Variants in RAVER2 observed in about 807,000 individuals in gnomAD.
RAVER2 encodes the protein ribonucleoprotein PTB-binding 2.
Under a neutral mutation model 78.1 loss-of-function variants are expected in RAVER2, and 46 were observed. The ratio of observed to expected loss-of-function variants is 0.59; its 90% CI spans 0.46 to 0.75. The LOEUF is 0.75. Among genes scored for constraint, RAVER2 ranks in the 30% least tolerant of loss-of-function variants. The pLI, the probability that RAVER2 is intolerant of heterozygous loss-of-function variation, is 0.00. For missense variants in RAVER2, 793 were observed against 837.5 expected (o/e 0.95, Z 0.66); for synonymous variants, 311 against 313.3 (o/e 0.99, Z 0.08).
chr1:64,794,329 C>T (rs913774185), intron 5 of RAVER2, among the ~76,000 whole-genome samples: 2 of 143,072 alleles, frequency 1.4e-5, no homozygotes, highest in African/African-American at 2.6e-5. Flanking sequence ...ACCTGGGAGG[C>T]GGAGCTTGCA....
intron 8 of RAVER2, among the ~76,000 whole-genome samples, chr1:64,805,716 A>T (rs1391786211): frequency 6.6e-6 from 1 of 152,166 alleles, no homozygotes; most frequent in African/African-American, 2.4e-5. Flanking sequence ...GAGCATGCTG[A>T]GTAAAAACAG....
At chr1:64,802,119 T>A (rs1019354040) in intron 5 of RAVER2, among the ~76,000 whole-genome samples, 2 of 152,164 alleles carry the variant, frequency 1.3e-5, no homozygotes, top group African/African-American at 4.8e-5. Flanking sequence ...CTGGTGGGAG[T>A]GTAGCAATGA....
upstream of RAVER2, chr1:64,745,093 C>T (rs1651482747): frequency 1.0e-6 from 1 of 1,001,984 alleles, no homozygotes. This position sits in a 1 kb window ranked among gnomAD's most constrained non-coding sequence, Gnocchi z 4.3. Context: ...GCCTCGCCCT[C>T]GCCCGGGCCT....
Position 64,745,294 on chromosome 1 carries a change from C to T in RAVER2, c.122C>T (p.Ala41Val), listed in dbSNP as rs905252898. 4 of 1,493,038 alleles carry T rather than the reference C, an allele frequency of 2.7e-6. No individual in the cohort carries two copies. Among genetic ancestry groups the T allele is most frequent in the East Asian group, 2.9e-5 (1 of 34,542 alleles). The allele number at this position is 1,493,038 out of a possible 1,614,324, so 92.5% of individuals were successfully genotyped here. The stretch of plus-strand genomic sequence containing the variant: ...CCCTCAGCCGAAGCGCACGAGGGCG[C>T]CCCGGACCCGATGCCCGCCGCGCTG... Residue 41 changes from alanine (A) to valine (V), a missense_variant, in exon 1 of 12, where the codon GCC becomes GTC. Physicochemically the swap from Ala to Val is moderately conservative, Grantham distance 64 (BLOSUM62 0). Transcript: ENST00000294428. The surrounding 1 kb of genome is among the most constrained non-coding windows in gnomAD (Gnocchi z 4.3).
intron 11 of RAVER2, chr1:64,816,263 A>T (rs1306947215): frequency 2.6e-5 from 4 of 152,324 alleles, no homozygotes; most frequent in African/African-American, 9.6e-5. Context: ...AAATTCTGTG[A>T]TAATGATGCC....
At chr1:64,770,235 C>T (rs893159438) in intron 2 of RAVER2, among the ~76,000 whole-genome samples, 3 of 151,864 alleles carry the variant, frequency 2.0e-5, no homozygotes, top group Non-Finnish European at 2.9e-5. Context: ...ATATTGACAA[C>T]GGGATTAGAG....
At chr1:64,788,796 A>G (rs1388495458) in intron 4 of RAVER2, among the ~76,000 whole-genome samples, 1 of 151,886 alleles carries the variant, frequency 6.6e-6, no homozygotes, top group East Asian at 1.9e-4. Context: ...CGTCTCAAAA[A>G]AAAAAAAAAA....
intron 5 of RAVER2, among the ~76,000 whole-genome samples, chr1:64,792,616 T>G (rs1652975246): frequency 6.6e-6 from 1 of 152,192 alleles, no homozygotes; most frequent in Non-Finnish European, 1.5e-5. Flanking sequence ...TTTCTCAATT[T>G]TAAGATGTTT....
chr1:64,826,414 A>C (rs763789096), intron 11 of RAVER2, among the ~76,000 whole-genome samples: 3 of 152,194 alleles, frequency 2.0e-5, no homozygotes, highest in African/African-American at 7.2e-5. Flanking sequence ...TGCCACATGA[A>C]TATCTATGTA....
At chr1:64,762,292 A>G (rs1570533024) in intron 1 of RAVER2, among the ~76,000 whole-genome samples, 1 of 152,206 alleles carries the variant, frequency 6.6e-6, no homozygotes, top group East Asian at 1.9e-4. Context: ...ATGGAAGAAC[A>G]TTCCACATTT....
chr1:64,759,535 G>A (rs997535942), intron 1 of RAVER2, among the ~76,000 whole-genome samples: 9 of 150,304 alleles, frequency 6.0e-5, no homozygotes, highest in Admixed American at 6.0e-4. Flanking sequence ...TTATTTTTTT[G>A]AGACGGAGCT....
intron 4 of RAVER2, among the ~76,000 whole-genome samples, chr1:64,786,410 G>T (rs765365358): frequency 6.6e-6 from 1 of 152,178 alleles, no homozygotes; most frequent in Non-Finnish European, 1.5e-5. Context: ...AATATTACAA[G>T]TGTTGATGCT....
chr1:64,807,106 G>T, intron 8 of RAVER2, 100 bp from the exon 9 acceptor site: 1 of 1,341,138 alleles, frequency 7.5e-7, no homozygotes, highest in Non-Finnish European at 1.0e-6. Flanking sequence ...GTACAAAATT[G>T]GTTTCTCTGC....
intron 11 of RAVER2, among the ~76,000 whole-genome samples, chr1:64,822,219 C>T (rs964798915): frequency 6.6e-6 from 1 of 152,154 alleles, no homozygotes; most frequent in African/African-American, 2.4e-5. Flanking sequence ...ACCCGGGAGG[C>T]AGAGCTTGCA....
chr1:64,764,788 C>T (rs1652127625), intron 1 of RAVER2, among the ~76,000 whole-genome samples: 1 of 152,184 alleles, frequency 6.6e-6, no homozygotes, highest in Non-Finnish European at 1.5e-5. Flanking sequence ...AGTCTTGAGG[C>T]AGAACTTCTA....
At chr1:64,794,222 C>T (rs1018339108) in intron 5 of RAVER2, among the ~76,000 whole-genome samples, 1 of 151,970 alleles carries the variant, frequency 6.6e-6, no homozygotes, top group South Asian at 2.1e-4. Flanking sequence ...CACGGTGAAA[C>T]CCCGTTTCTA....
intron 11 of RAVER2, among the ~76,000 whole-genome samples, chr1:64,826,927 T>C (rs914927620): frequency 1.6e-4 from 25 of 152,032 alleles, no homozygotes; most frequent in African/African-American, 4.8e-4. Flanking sequence ...AATGAATTTG[T>C]TATTGATTGA....
chr1:64,815,461 T>G (rs1022539065), intron 11 of RAVER2: 1 of 152,222 alleles, frequency 6.6e-6, no homozygotes, highest in African/African-American at 2.4e-5. Flanking sequence ...TATTTCAGTT[T>G]TGCTTTGGCC....
intron 1 of RAVER2, among the ~76,000 whole-genome samples, chr1:64,746,792 G>A (rs1420806659): frequency 6.6e-6 from 1 of 152,120 alleles, no homozygotes; most frequent in Non-Finnish European, 1.5e-5. Flanking sequence ...TGATTTCTTG[G>A]AAGCAGCCTC....
Sources: allele counts gnomAD v4.1 joint callset (sites outside exome capture counted in the v4.1 genomes callset), GRCh38; gene constraint gnomAD v4.1.1; non-coding constraint Gnocchi (gnomAD v3.1); transcripts MANE v1.5; gene names NCBI Gene and HGNC (gene_info 2026-07-23, HGNC 2026-07-21).